Variants in KIF2C observed in about 807,000 individuals in gnomAD.
KIF2C encodes kinesin family member 2C.
A neutral mutation model predicts 97.4 loss-of-function variants in KIF2C; 34 were observed. The ratio of observed to expected loss-of-function variants is 0.35; its 90% CI spans 0.27 to 0.46. The LOEUF (loss-of-function observed/expected upper bound fraction) is 0.46. Among genes scored for constraint, KIF2C ranks in the 20% least tolerant of loss-of-function variants. KIF2C has a pLI of 1.00. For synonymous variants in KIF2C, 313 were observed against 318.2 expected (o/e 0.98, Z 0.17); for missense variants, 750 against 907.6 (o/e 0.83, Z 2.23).
chr1:44,747,003 T>C (rs1234975360), intron 2 of KIF2C, among the ~76,000 whole-genome samples: 1 of 149,622 alleles, frequency 6.7e-6, no homozygotes, highest in East Asian at 2.1e-4. Context: ...ATTCCAGCAA[T>C]TCTCCCGCCT....
chr1:44,763,531 A>G (rs1402638229), intron 19 of KIF2C, among the ~76,000 whole-genome samples: 1 of 152,176 alleles, frequency 6.6e-6, no homozygotes, highest in Non-Finnish European at 1.5e-5. Flanking sequence ...GGACAGGTCA[A>G]CAGGGATCTG....
At chr1:44,742,737 A>C (rs940864160) in intron 2 of KIF2C, among the ~76,000 whole-genome samples, 16 of 145,562 alleles carry the variant, frequency 1.1e-4, no homozygotes, top group Non-Finnish European at 1.7e-4. Context: ...AAAAAAAAAA[A>C]CAAACTGCAC....
intron 19 of KIF2C, among the ~76,000 whole-genome samples, chr1:44,764,424 G>A (rs1164941551): frequency 2.0e-5 from 3 of 152,050 alleles, no homozygotes; most frequent in Non-Finnish European, 4.4e-5. Flanking sequence ...TGATCCGCCT[G>A]CCTCAGCCTC....
At chr1:44,743,138 T>G (rs1649018587) in intron 2 of KIF2C, among the ~76,000 whole-genome samples, 2 of 152,194 alleles carry the variant, frequency 1.3e-5, no homozygotes, top group African/African-American at 4.8e-5. Context: ...TGGTTAGGTT[T>G]TCTTCTGTAG....
rs111906856 is a variant in KIF2C at position 44,760,746 on chromosome 1, A to G, written c.1683+44A>G. 1.3e-6 allele frequency: 2 copies of G among 1,506,118 alleles called. No individual in the cohort carries two copies. The highest frequency in any genetic ancestry group is 4.5e-5 in the East Asian group (2 of 44,218). 93.3% of individuals were successfully genotyped at this position (1,506,118 alleles called of 1,614,324 possible). ...AAGGTGATGGTACAGGAGGAGACAGAGTTGCTTTCCACAGAGACACTTAGT... is the reference window on the plus strand; with the variant it reads ...AAGGTGATGGTACAGGAGGAGACAGGGTTGCTTTCCACAGAGACACTTAGT... On this transcript the variant is annotated intron_variant, in intron 16 of 20. Transcript: ENST00000372224. The surrounding 1 kb of genome is among the most constrained non-coding windows in gnomAD (Gnocchi z 4.2).
chr1:44,754,212 C>T lies in KIF2C; in HGVS notation c.663+379C>T, dbSNP rs542673059. The stretch of plus-strand genomic sequence containing the variant: ...CTGGGATTGTAGGCATGAGCTGTTG[C>T]GCCTGGCCTCTGACGCTCCAATTCT... On this transcript the variant is annotated intron_variant, in intron 7 of 20. Coordinates refer to ENST00000372224, the MANE Select transcript of KIF2C (RefSeq NM_006845.4). Among the ~76,000 whole-genome samples, 27 of 151,970 alleles carry T rather than the reference C, an allele frequency of 1.8e-4. No homozygotes were observed. In the South Asian group the frequency reaches 2.3e-3, roughly 13 times the overall value.
At position 44,747,413 on chromosome 1, in the gene KIF2C, C is replaced by T. The variant is rs747251258; in HGVS notation, c.195C>T (p.Asn65=). The T allele has an allele frequency of 2.5e-6, 4 of 1,611,054 alleles. No individual in the cohort carries two copies. Among genetic ancestry groups the T allele is most frequent in the Non-Finnish European group, 3.4e-6 (4 of 1,179,276 alleles). The stretch of plus-strand genomic sequence containing the variant: ...ATTTTGATGATGTGGCTGCAATAAA[C>T]CCAGAACTCTTACAGCTTCTTCCCT... ...EIDFDDVAAI[N]PELLQLLPLH... Residue 65 remains asparagine, a synonymous_variant, in exon 3 of 21, where the codon AAC becomes AAT. Transcript: ENST00000372224.
In KIF2C at chr1:44,757,665, C is replaced by A. The variant is rs779927277; in HGVS notation, c.1068+19C>A. On this transcript the variant is annotated intron_variant, in intron 11 of 20. Transcript: ENST00000372224. ...GACACATGTGAGTATTGAGGCCTGGCGGGGAAAGAGCCTTTCCCTTGTGCA... is the reference window on the plus strand; with the variant it reads ...GACACATGTGAGTATTGAGGCCTGGAGGGGAAAGAGCCTTTCCCTTGTGCA... 2 of 1,558,926 alleles carry A rather than the reference C, an allele frequency of 1.3e-6. No individual in the cohort carries two copies. The highest frequency in any genetic ancestry group is 2.2e-5 in the East Asian group (1 of 44,616).
At position 44,752,133 on chromosome 1, in the gene KIF2C, A is replaced by ATT. The variant is rs1176639607; in HGVS notation, c.440-977_440-976dup. ...CTGCGCCCGGCCTATATTAAATTGA[A>ATT]TTTTTTTTTTTTTTTTTTTTTTTGA... On this transcript the variant is annotated intron_variant, in intron 5 of 20. Coordinates refer to ENST00000372224, the MANE Select transcript of KIF2C (RefSeq NM_006845.4). 8.9e-3 allele frequency among the ~76,000 whole-genome samples: 722 copies of ATT among 81,408 alleles called. 12 individuals are homozygous for ATT. The highest frequency in any genetic ancestry group is 0.011 in the Middle Eastern group (1 of 88). 53.4% of individuals were successfully genotyped at this position (81,408 alleles called of 152,430 possible).
chr1:44,750,309 G>A, intron 4 of KIF2C, 133 bp from the exon 5 acceptor site: 1 of 949,558 alleles, frequency 1.1e-6, no homozygotes, highest in Non-Finnish European at 1.4e-6. Context: ...CCTTTCTAAG[G>A]AATATGGGAA....
At chr1:44,747,789 C>A in intron 4 of KIF2C, 89 bp downstream of exon 4, 1 of 1,205,848 alleles carries the variant, frequency 8.3e-7, no homozygotes, top group Non-Finnish European at 1.2e-6. Flanking sequence ...TCCTCTTTTG[C>A]AGGTGGTTTC....
chr1:44,748,447 C>A (rs1176406972), intron 4 of KIF2C, among the ~76,000 whole-genome samples: 1 of 152,194 alleles, frequency 6.6e-6, no homozygotes, highest in Admixed American at 6.5e-5. Context: ...CTGGCCCTTT[C>A]TTGCTGGGTG....
chr1:44,747,026 G>T (rs1474356793), intron 2 of KIF2C, among the ~76,000 whole-genome samples: 1 of 151,768 alleles, frequency 6.6e-6, no homozygotes, highest in East Asian at 1.9e-4. Context: ...GCCTCGGGGG[G>T]GCCAGGCACA....
chr1:44,748,184 T>C (rs1649320609), intron 4 of KIF2C, among the ~76,000 whole-genome samples: 2 of 152,136 alleles, frequency 1.3e-5, no homozygotes, highest in South Asian at 4.1e-4. Context: ...GCAGAAGTAG[T>C]CTGTGAAAAC....
rs751635173 is a variant in KIF2C at position 44,739,977 on chromosome 1, C to G, written c.45C>G (p.Leu15=). 2.2e-5 allele frequency: 35 copies of G among 1,614,100 alleles called. No homozygotes were observed. The highest frequency in any genetic ancestry group is 2.2e-4 in the Admixed American group (13 of 59,998). The change falls in exon 1 of 21, where the codon CTC becomes CTG. Residue 15 remains leucine (L), a synonymous_variant. Coordinates refer to ENST00000372224, the MANE Select transcript of KIF2C (RefSeq NM_006845.4). ...TTCAGGCCCGCCTGTTTCCCGGTCT[C>G]GCTATCAAGATCCAACGCAGTAATG... ...SSLQARLFPG[L]AIKIQRSNGL... is the part of the protein sequence containing the mutation.
At position 44,762,834 on chromosome 1, in the gene KIF2C, A is replaced by C. The variant is rs1650240115; in HGVS notation, c.1971+176A>C. On this transcript the variant is annotated intron_variant, in intron 19 of 20. Transcript: ENST00000372224. Reference sequence around the variant, plus strand: ...TGTTAACCCAGCTGTTCTTCTAATTATCACAACCCCTTCTGCAGGTTGGCA... The same window carrying C: ...TGTTAACCCAGCTGTTCTTCTAATTCTCACAACCCCTTCTGCAGGTTGGCA... Among the ~76,000 whole-genome samples the C allele has an allele frequency of 3.9e-5, 6 of 152,334 alleles. No homozygotes were observed. The South Asian group carries it at 1.2e-3, about 32-fold the overall frequency.
At chr1:44,765,418 C>T (rs1379016662) in intron 19 of KIF2C, among the ~76,000 whole-genome samples, 5 of 151,984 alleles carry the variant, frequency 3.3e-5, no homozygotes, top group African/African-American at 1.2e-4. Flanking sequence ...TGTAACAAAC[C>T]TGCACGTTGT....
intron 2 of KIF2C, among the ~76,000 whole-genome samples, chr1:44,742,421 T>C (rs1001661359): frequency 6.7e-6 from 1 of 149,080 alleles, no homozygotes; most frequent in African/African-American, 2.4e-5. Flanking sequence ...GGTATGTTTG[T>C]AGAAAGCAAA....
chr1:44,759,058 C>T (rs1649999187), intron 13 of KIF2C, 148 bp from the exon 14 acceptor site: 2 of 974,602 alleles, frequency 2.1e-6, no homozygotes, highest in African/African-American at 1.6e-5. Flanking sequence ...GTATATTGAC[C>T]TCTGCTAGGC....
Sources: allele counts gnomAD v4.1 joint callset (sites outside exome capture counted in the v4.1 genomes callset), GRCh38; gene constraint gnomAD v4.1.1; non-coding constraint Gnocchi (gnomAD v3.1); transcripts MANE v1.5; gene names NCBI Gene and HGNC (gene_info 2026-07-23, HGNC 2026-07-21).